Variants in MECOM observed in about 807,000 individuals in gnomAD.
MECOM encodes MDS1 and EVI1 complex locus, also known as histone-lysine N-methyltransferase MECOM.
A neutral mutation model predicts 116.3 loss-of-function variants in MECOM; 13 were observed. The observed-to-expected ratio is 0.11, with a 90% CI of 0.07 to 0.18. The LOEUF is 0.18. Among genes scored for constraint, MECOM ranks in the 10% least tolerant of loss-of-function variants. MECOM has a pLI of 1.00. For missense variants in MECOM, 1,299 were observed against 1,509.0 expected, an observed-to-expected ratio of 0.86 and a Z score of 2.31; for synonymous variants, 528 against 535.2, an observed-to-expected ratio of 0.99 and a Z score of 0.19.
intron 1 of MECOM, among the ~76,000 whole-genome samples, chr3:169,591,328 A>G (rs1366639748): frequency 6.6e-6 from 1 of 152,180 alleles, no homozygotes; most frequent in Non-Finnish European, 1.5e-5. Context: ...GGGTTTAGTC[A>G]TTCTCTGATT....
At chr3:169,111,483 T>C (rs747333344) in intron 9 of MECOM, among the ~76,000 whole-genome samples, 13 of 152,188 alleles carry the variant, frequency 8.5e-5, no homozygotes, top group Non-Finnish European at 1.8e-4. Context: ...TTTATTAGCC[T>C]ATGAAACTTT....
intron 1 of MECOM, among the ~76,000 whole-genome samples, chr3:169,384,446 G>T (rs992709188): frequency 6.6e-6 from 1 of 152,126 alleles, no homozygotes; most frequent in Admixed American, 6.6e-5. Context: ...TTATCGTTCA[G>T]GGAGATTTTG....
At chr3:169,361,892 G>A (rs1324781200) in intron 2 of MECOM, among the ~76,000 whole-genome samples, 1 of 151,690 alleles carries the variant, frequency 6.6e-6, no homozygotes, top group Non-Finnish European at 1.5e-5. Flanking sequence ...TTCAAAGATG[G>A]CGAGGAATAG....
At chr3:169,183,957 C>G (rs1232420893) in intron 2 of MECOM, among the ~76,000 whole-genome samples, 1 of 151,744 alleles carries the variant, frequency 6.6e-6, no homozygotes, top group African/African-American at 2.4e-5. Flanking sequence ...CTCCACCTCC[C>G]GGGTTCACGC....
At chr3:169,376,100 C>CA (rs1488617776) in intron 2 of MECOM, among the ~76,000 whole-genome samples, 6 of 151,936 alleles carry the variant, frequency 3.9e-5, no homozygotes, top group African/African-American at 1.2e-4. Context: ...TCAATAGATG[C>CA]AAAAAAGGCC....
intron 2 of MECOM, among the ~76,000 whole-genome samples, chr3:169,334,848 C>T (rs1723336971): frequency 6.6e-6 from 1 of 152,156 alleles, no homozygotes; most frequent in Non-Finnish European, 1.5e-5. Flanking sequence ...AGATGCAATT[C>T]TTCAGATAAG....
chr3:169,470,883 T>C (rs563253411), intron 1 of MECOM, among the ~76,000 whole-genome samples: 4 of 152,286 alleles, frequency 2.6e-5, no homozygotes, highest in Admixed American at 1.3e-4. Flanking sequence ...GTCTGAGCTA[T>C]TTTTTTATTA....
At chr3:169,243,769 C>T (rs138503190) in intron 2 of MECOM, among the ~76,000 whole-genome samples, 4 of 152,264 alleles carry the variant, frequency 2.6e-5, no homozygotes, top group East Asian at 1.9e-4. Context: ...TACTCTGAAA[C>T]GTCACATGGC....
intron 2 of MECOM, among the ~76,000 whole-genome samples, chr3:169,176,861 A>G (rs573837227): frequency 3.3e-5 from 5 of 152,326 alleles, no homozygotes; most frequent in African/African-American, 1.2e-4. Context: ...AAACATATGA[A>G]AAAAAGCTCA....
intron 2 of MECOM, among the ~76,000 whole-genome samples, chr3:169,256,536 A>C (rs1232598456): frequency 6.6e-6 from 1 of 152,232 alleles, no homozygotes; most frequent in Non-Finnish European, 1.5e-5. Flanking sequence ...CAAAGGTCTA[A>C]ATGGCCATGA....
intron 2 of MECOM, among the ~76,000 whole-genome samples, chr3:169,208,666 C>A (rs181877162): frequency 7.9e-5 from 12 of 152,008 alleles, no homozygotes; most frequent in Admixed American, 7.9e-4. Flanking sequence ...TCAAGGAGAA[C>A]TACAAACCAC....
intron 2 of MECOM, among the ~76,000 whole-genome samples, chr3:169,271,291 A>G (rs1416854725): frequency 6.6e-6 from 1 of 152,190 alleles, no homozygotes; most frequent in Non-Finnish European, 1.5e-5. Context: ...TCTTCACATC[A>G]TGAAGCCAGA....
At chr3:169,449,346 T>C (rs1032756495) in intron 1 of MECOM, among the ~76,000 whole-genome samples, 1 of 152,208 alleles carries the variant, frequency 6.6e-6, no homozygotes. Flanking sequence ...GGTTATTTTT[T>C]ACACTGACTG....
chr3:169,630,449 TC>T (rs1771944935), intron 1 of MECOM, among the ~76,000 whole-genome samples: 1 of 113,616 alleles, frequency 8.8e-6, no homozygotes, highest in African/African-American at 3.6e-5. Context: ...CCAAATTTAT[TC>T]TTAAAAAAAA....
chr3:169,208,466 C>T (rs1226317663), intron 2 of MECOM, among the ~76,000 whole-genome samples: 3 of 151,614 alleles, frequency 2.0e-5, no homozygotes, highest in African/African-American at 7.3e-5. Flanking sequence ...AGTCAAGTTA[C>T]TAGTAAAGGA....
chr3:169,130,997 A>G (rs1734512478), intron 4 of MECOM, among the ~76,000 whole-genome samples: 1 of 152,046 alleles, frequency 6.6e-6, no homozygotes, highest in East Asian at 1.9e-4. Context: ...CACCCCTCCC[A>G]TATGGTCATA....
intron 2 of MECOM, among the ~76,000 whole-genome samples, chr3:169,284,705 AG>A (rs1305521100): frequency 1.3e-5 from 2 of 152,194 alleles, no homozygotes; most frequent in African/African-American, 4.8e-5. Context: ...GTAAAAAATA[AG>A]GACATAGAGG....
chr3:169,359,044 G>A (rs6772254), intron 2 of MECOM, among the ~76,000 whole-genome samples: 4,200 of 151,662 alleles, frequency 0.028, 201 homozygotes, highest in African/African-American at 0.097. Flanking sequence ...CCAGAATTTG[G>A]TTTAAAAACA....
intron 2 of MECOM, among the ~76,000 whole-genome samples, chr3:169,281,784 C>G (rs75953349): frequency 0.023 from 3,534 of 151,988 alleles, 125 homozygotes; most frequent in African/African-American, 0.076. Flanking sequence ...TGCATTTCAG[C>G]CTGGGTGACA....
Sources: gnomAD v4.1 joint callset for allele counts (sites outside exome capture counted in the v4.1 genomes callset) on GRCh38, gnomAD v4.1.1 for gene constraint, MANE v1.5 for transcripts, NCBI Gene and HGNC (gene_info 2026-07-23, HGNC 2026-07-21) for gene names.